The following BRMS1L variants were observed in gnomAD, a reference collection of about 807,000 sequenced individuals.
The protein encoded by BRMS1L is BRMS1 like transcriptional repressor.
In BRMS1L, 23 loss-of-function variants were observed where a neutral mutation model predicts 50.3. The ratio of observed to expected loss-of-function variants is 0.46; its 90% CI spans 0.33 to 0.65. The LOEUF is 0.65. BRMS1L is among the 30% of genes least tolerant of loss of function. The pLI is 0.02. For missense variants in BRMS1L, 286 were observed against 386.1 expected (o/e 0.74, Z 2.17); for synonymous variants, 114 against 126.9 (o/e 0.90, Z 0.69).
intron 4 of BRMS1L, among the ~76,000 whole-genome samples, chr14:35,837,274 T>C (rs1418991907): frequency 6.6e-6 from 1 of 151,438 alleles, no homozygotes; most frequent in South Asian, 2.1e-4. Flanking sequence ...AAAGAAAAAG[T>C]ATGGTTCTAA....
chr14:35,833,757 T>C (rs754089607), intron 3 of BRMS1L, among the ~76,000 whole-genome samples: 7 of 152,180 alleles, frequency 4.6e-5, no homozygotes, highest in Non-Finnish European at 7.4e-5. Flanking sequence ...AAACTTTAAT[T>C]AGTGGAGATG....
chr14:35,846,271 C>T (rs1272870020), intron 4 of BRMS1L, among the ~76,000 whole-genome samples: 1 of 151,930 alleles, frequency 6.6e-6, no homozygotes, highest in Non-Finnish European at 1.5e-5. Flanking sequence ...GTGGCACACA[C>T]CTGTAGTCCC....
intron 4 of BRMS1L, among the ~76,000 whole-genome samples, chr14:35,844,791 T>C (rs2078112213): frequency 6.6e-6 from 1 of 152,200 alleles, no homozygotes; most frequent in Non-Finnish European, 1.5e-5. Flanking sequence ...AAAATTACTT[T>C]TTATTTTTTG....
intron 4 of BRMS1L, among the ~76,000 whole-genome samples, chr14:35,837,935 A>T (rs950928106): frequency 6.6e-6 from 1 of 152,214 alleles, no homozygotes; most frequent in Admixed American, 6.5e-5. Flanking sequence ...CAGGTTTGTT[A>T]CATAGGTATA....
chr14:35,853,083 ATATT>A (rs1209131505), intron 4 of BRMS1L, among the ~76,000 whole-genome samples: 2 of 152,142 alleles, frequency 1.3e-5, no homozygotes, highest in East Asian at 1.9e-4. Context: ...AAAAAATGTA[ATATT>A]TATCCTTTTT....
chr14:35,829,144 G>A (rs375883397), intron 1 of BRMS1L, among the ~76,000 whole-genome samples: 5 of 152,138 alleles, frequency 3.3e-5, no homozygotes, highest in Non-Finnish European at 2.9e-5. Context: ...GTTTTGCCAC[G>A]TTGGCCAGGC....
intron 1 of BRMS1L, among the ~76,000 whole-genome samples, chr14:35,830,941 A>G: frequency 7.6e-6 from 1 of 131,678 alleles, no homozygotes; most frequent in African/African-American, 2.8e-5. Flanking sequence ...TCTATAGTGG[A>G]TTTTTTTTTT....
chr14:35,831,738 C>T (rs546162676), intron 2 of BRMS1L, among the ~76,000 whole-genome samples: 8 of 152,080 alleles, frequency 5.3e-5, no homozygotes, highest in East Asian at 1.9e-4. Flanking sequence ...TGGGCAACAT[C>T]GGAAGACCTG....
At position 35,871,950 on chromosome 14, in the gene BRMS1L, G is replaced by A. The variant is rs1229751839; in HGVS notation, c.*1473G>A. ...TAAATTTAGTATATAATAAAAAGAT[G>A]TGTTTCAGTGTGATTTGTAGTGTCT... On this transcript the variant is annotated 3_prime_UTR_variant, in exon 10 of 10. Transcript: ENST00000216807. 6.6e-6 allele frequency: 1 copy of A among 152,186 alleles called. No individual in the cohort carries two copies. The highest frequency in any genetic ancestry group is 1.5e-5 in the Non-Finnish European group (1 of 68,016). 9.4% of individuals were successfully genotyped at this position (152,186 alleles called of 1,614,324 possible). A position where few individuals can be genotyped will look rare whatever the true frequency, so the allele number is the denominator to read the frequency against.
intron 4 of BRMS1L, among the ~76,000 whole-genome samples, chr14:35,851,893 CTG>C (rs1181271828): frequency 1.4e-4 from 22 of 152,336 alleles, no homozygotes; most frequent in East Asian, 3.9e-4. Flanking sequence ...TTTGAAAAGA[CTG>C]TTTTTTTCCC....
At chr14:35,838,324 C>T (rs2078019719) in intron 4 of BRMS1L, among the ~76,000 whole-genome samples, 1 of 152,172 alleles carries the variant, frequency 6.6e-6, no homozygotes, top group Non-Finnish European at 1.5e-5. Flanking sequence ...AACAGTGCCA[C>T]AATAAACATA....
At chr14:35,844,034 C>T (rs1004545895) in intron 4 of BRMS1L, among the ~76,000 whole-genome samples, 2 of 152,164 alleles carry the variant, frequency 1.3e-5, no homozygotes, top group African/African-American at 4.8e-5. Context: ...GACGCCCCTC[C>T]CCTCACCAAG....
intron 9 of BRMS1L, among the ~76,000 whole-genome samples, chr14:35,869,857 AC>A (rs2078466388): frequency 6.6e-6 from 1 of 152,008 alleles, no homozygotes; most frequent in African/African-American, 2.4e-5. Context: ...AAATAAATAA[AC>A]AAAAAATAAA....
intron 4 of BRMS1L, among the ~76,000 whole-genome samples, chr14:35,853,327 C>T (rs1056644070): frequency 6.6e-6 from 1 of 151,888 alleles, no homozygotes; most frequent in Non-Finnish European, 1.5e-5. Context: ...ATTCTAACTA[C>T]TTCTATTTTA....
chr14:35,850,952 G>C (rs1235828894), intron 4 of BRMS1L, among the ~76,000 whole-genome samples: 2 of 152,142 alleles, frequency 1.3e-5, no homozygotes, highest in African/African-American at 2.4e-5. Context: ...ACCCACCCAA[G>C]GATCAAGCAC....
chr14:35,852,918 G>A (rs997763542), intron 4 of BRMS1L, among the ~76,000 whole-genome samples: 3 of 151,562 alleles, frequency 2.0e-5, no homozygotes, highest in African/African-American at 2.4e-5. Context: ...GCGAAAGAGC[G>A]AGGCTCCGTC....
Position 35,867,900 on chromosome 14 carries a change from CT to C in BRMS1L, c.728-3del. The C allele has an allele frequency of 6.3e-7, 1 of 1,590,684 alleles. No homozygotes were observed. The highest frequency in any genetic ancestry group is 8.5e-7 in the Non-Finnish European group (1 of 1,173,164). On this transcript the variant is annotated splice_polypyrimidine_tract_variant and splice_region_variant and intron_variant, in intron 8 of 9. Transcript: ENST00000216807. ...AATATAACAGTTTTTGAACTGATCC[CT>C]TTAGCACCTGTGAAACTGGAAAAAC...
intron 4 of BRMS1L, among the ~76,000 whole-genome samples, chr14:35,836,014 G>A (rs1033222591): frequency 6.6e-6 from 1 of 152,156 alleles, no homozygotes; most frequent in Non-Finnish European, 1.5e-5. Context: ...AGAGTAGTTA[G>A]GTATAAAAAT....
intron 9 of BRMS1L, 35 bp from the exon 10 acceptor site, chr14:35,870,325 A>AATTC (rs1183183705): frequency 3.9e-6 from 5 of 1,279,656 alleles, no homozygotes; most frequent in Non-Finnish European, 5.6e-6. Flanking sequence ...GAGACATTGT[A>AATTC]ATTCATTCAT....
Sources: allele counts gnomAD v4.1 joint callset (sites outside exome capture counted in the v4.1 genomes callset), GRCh38; gene constraint gnomAD v4.1.1; transcripts MANE v1.5; gene names NCBI Gene and HGNC (gene_info 2026-07-23, HGNC 2026-07-21).